The following UBAP2 variants were observed in gnomAD, a reference collection of about 807,000 sequenced individuals.
UBAP2 encodes ubiquitin-associated protein 2.
A neutral mutation model predicts 139.6 loss-of-function variants in UBAP2; 75 were observed. That is an observed-to-expected ratio of 0.54 (90% CI 0.45 to 0.65). The LOEUF is 0.65. UBAP2 is among the 30% of genes least tolerant of loss of function. The pLI is 0.00. For missense variants in UBAP2, 1,368 were observed against 1,369.6 expected (o/e 1.00, Z 0.02); for synonymous variants, 526 against 526.2 (o/e 1.00, Z 0.01).
At chr9:33,973,285 C>T (rs1828048866) in intron 6 of UBAP2, 48 bp from the exon 7 acceptor site, 1 of 1,560,364 alleles carries the variant, frequency 6.4e-7, no homozygotes, top group Non-Finnish European at 8.8e-7. Flanking sequence ...TTATGTCCTA[C>T]ACAATTACAC....
intron 8 of UBAP2, 44 bp from the exon 9 acceptor site, chr9:33,963,835 A>G: frequency 2.8e-6 from 4 of 1,428,652 alleles, no homozygotes; most frequent in Non-Finnish European, 4.0e-6. Context: ...TATGAAAAGA[A>G]TGAAAGTATT....
chr9:34,035,824 C>A (rs1168129670), intron 1 of UBAP2, among the ~76,000 whole-genome samples: 1 of 151,934 alleles, frequency 6.6e-6, no homozygotes, highest in Non-Finnish European at 1.5e-5. Context: ...TGGTATTCTC[C>A]TAAATCGTCC....
chr9:33,955,835 A>AG (rs2130987299), intron 11 of UBAP2, among the ~76,000 whole-genome samples: 2 of 129,970 alleles, frequency 1.5e-5, no homozygotes, highest in East Asian at 4.0e-4. Flanking sequence ...CTCAAAATAG[A>AG]AAAAAAAAAA....
At chr9:33,941,176 G>A (rs993521242) in intron 16 of UBAP2, among the ~76,000 whole-genome samples, 16 of 152,142 alleles carry the variant, frequency 1.1e-4, no homozygotes, top group Non-Finnish European at 1.9e-4. Context: ...AATCTAGAAG[G>A]GTAAAACTTT....
chr9:33,923,070 T>TCCCAGCTCCAGGCTC, intron 26 of UBAP2, 37 bp from the exon 27 acceptor site: 1 of 1,613,856 alleles, frequency 6.2e-7, no homozygotes, highest in Non-Finnish European at 8.5e-7. Context: ...CAGCAGTTGT[T>TCCCAGCTCCAGGCTC]CCCAGCTCCA....
At chr9:34,028,113 T>A (rs12555719) in intron 1 of UBAP2, among the ~76,000 whole-genome samples, 131 of 151,618 alleles carry the variant, frequency 8.6e-4, no homozygotes, top group African/African-American at 3.1e-3. Context: ...ATGGACAAGG[T>A]TGAACTCCCC....
At chr9:33,980,488 G>A (rs530332712) in intron 6 of UBAP2, among the ~76,000 whole-genome samples, 36 of 151,262 alleles carry the variant, frequency 2.4e-4, no homozygotes, top group Non-Finnish European at 4.1e-4. Flanking sequence ...TGATCTGCCC[G>A]CCTTGGCCTC....
intron 1 of UBAP2, among the ~76,000 whole-genome samples, chr9:34,044,699 C>T (rs1437920079): frequency 1.3e-5 from 2 of 151,686 alleles, no homozygotes; most frequent in East Asian, 3.9e-4. Context: ...AATCCCATCT[C>T]TACTAAAATT....
At position 33,948,469 on chromosome 9, in the gene UBAP2, G is replaced by C. The variant is rs780459040; in HGVS notation, c.1175C>G (p.Pro392Arg). The C allele has an allele frequency of 2.5e-6, 4 of 1,614,040 alleles. No homozygotes were observed. In the Admixed American group the frequency reaches 6.7e-5, roughly 27 times the overall value. ...ACTTGTACTATTCTGCTGTGTACTT[G>C]GGGTGGTGGTAAACTGGCCCAAACT... The part of the protein sequence containing the change: ...APSLGQFTTT[P>R]STQQNSTSHP... Residue 392 changes from proline (P) to arginine (R), a missense_variant, in exon 13 of 29, where the codon CCA becomes CGA. Physicochemically the swap from Pro to Arg is moderately radical, Grantham distance 103 (BLOSUM62 -2). Coordinates refer to ENST00000379238, the MANE Select transcript of UBAP2 (RefSeq NM_001370062.2).
chr9:33,961,029 A>C, intron 9 of UBAP2, 151 bp from the exon 10 acceptor site: 1 of 700,706 alleles, frequency 1.4e-6, no homozygotes, highest in Admixed American at 2.6e-5. Flanking sequence ...TGACGTTCTT[A>C]ATCTATTCTC....
Position 33,948,413 on chromosome 9 carries a change from T to A in UBAP2, c.1231A>T (p.Lys411Ter). ...HPTTTTSWDL[K>*]PPTSQSSVLS... ...ACTGAGGACTGGGATGTTGGGGGCT[T>A]GAGGTCCCAAGAAGTAGTAGTTGTA... is the stretch of plus-strand genomic sequence containing the variant. The change falls in exon 13 of 29, where the codon AAG becomes TAG. Residue 411 changes from lysine (K) to a stop codon, truncating the protein, a stop_gained. Transcript: ENST00000379238. LOFTEE classifies it high-confidence loss of function. 5.6e-6 allele frequency: 9 copies of A among 1,612,716 alleles called. No homozygotes were observed. Among genetic ancestry groups the A allele is most frequent in the Non-Finnish European group, 7.6e-6 (9 of 1,179,002 alleles).
At chr9:33,935,641 C>A in intron 17 of UBAP2, 198 bp downstream of exon 17, 1 of 635,878 alleles carries the variant, frequency 1.6e-6, no homozygotes, top group South Asian at 1.8e-5. Context: ...TATGAGACCA[C>A]CACCTCCTTC....
At position 33,944,462 on chromosome 9, in the gene UBAP2, A is replaced by T; in HGVS notation, c.1448T>A (p.Leu483His). 6.2e-7 allele frequency: 1 copy of T among 1,614,106 alleles called. No individual in the cohort carries two copies. The change falls in exon 14 of 29, where the codon CTT becomes CAT. Residue 483 changes from leucine to histidine, a missense_variant. By Grantham distance (99) the Leu-to-His change is moderately conservative. Coordinates refer to ENST00000379238, the MANE Select transcript of UBAP2 (RefSeq NM_001370062.2). ...SPSTVNKLLQ[L>H]PSTTIENISV... is the part of the protein sequence containing the mutation. ...GATATTTTCAATGGTCGTGCTGGGA[A>T]GCTGCAAAAGCTTGTTCACAGTGGA... is the stretch of plus-strand genomic sequence containing the variant.
At chr9:34,009,111 T>TG (rs1351586600) in intron 2 of UBAP2, among the ~76,000 whole-genome samples, 1 of 151,996 alleles carries the variant, frequency 6.6e-6, no homozygotes, top group African/African-American at 2.4e-5. Flanking sequence ...TGTTTTGTTT[T>TG]TTTTTTGAGA....
chr9:33,958,706 C>CTTTT (rs35500529), intron 10 of UBAP2, among the ~76,000 whole-genome samples: 2,131 of 122,710 alleles, frequency 0.017, 97 homozygotes, highest in African/African-American at 0.056. Flanking sequence ...TGTGCCCGGC[C>CTTTT]TTTTTTTTTT....
chr9:33,990,663 TCTCA>T (rs1442523818), intron 4 of UBAP2, among the ~76,000 whole-genome samples: 29 of 101,414 alleles, frequency 2.9e-4, no homozygotes, highest in Admixed American at 9.6e-4. Context: ...TGAGACAGAG[TCTCA>T]CTCTGTCACC....
chr9:34,017,539 C>A (rs1016121248), intron 1 of UBAP2, among the ~76,000 whole-genome samples: 2 of 152,088 alleles, frequency 1.3e-5, no homozygotes, highest in African/African-American at 4.8e-5. Context: ...TGCACCCAGC[C>A]AAGATTTTAC....
chr9:33,998,828 A>G lies in UBAP2; in HGVS notation c.136T>C (p.Phe46Leu), dbSNP rs200916448. The G allele has an allele frequency of 1.9e-6, 3 of 1,612,258 alleles. No individual in the cohort carries two copies. Among genetic ancestry groups the G allele is most frequent in the Non-Finnish European group, 2.5e-6 (3 of 1,179,800 alleles). The change falls in exon 3 of 29, where the codon TTT becomes CTT. Residue 46 changes from phenylalanine (F) to leucine (L), a missense_variant. Phe to Leu is a conservative substitution (Grantham distance 22). Coordinates refer to ENST00000379238, the MANE Select transcript of UBAP2 (RefSeq NM_001370062.2). The stretch of plus-strand genomic sequence containing the variant: ...TCAAAATCTGAATCATTCTTATCAA[A>G]GATCACTTGAGCGAGACGCATCTGT... ...AEQMRLAQVI[F>L]DKNDSDFEAK...
intron 16 of UBAP2, among the ~76,000 whole-genome samples, chr9:33,941,032 A>G (rs1217899244): frequency 5.3e-5 from 8 of 152,202 alleles, no homozygotes; most frequent in Admixed American, 5.2e-4. Flanking sequence ...TTCAAGTATT[A>G]CTAGTGTGAC....
Sources: allele counts gnomAD v4.1 joint callset (sites outside exome capture counted in the v4.1 genomes callset), GRCh38; gene constraint gnomAD v4.1.1; transcripts MANE v1.5; gene names NCBI Gene and HGNC (gene_info 2026-07-23, HGNC 2026-07-21).